Variants in CTNNA3 observed in about 807,000 individuals in gnomAD.
The protein encoded by CTNNA3 is catenin alpha 3.
In CTNNA3, 76 loss-of-function variants were observed where a neutral mutation model predicts 95.7. That is an observed-to-expected ratio of 0.79 (90% CI 0.66 to 0.96). The LOEUF (loss-of-function observed/expected upper bound fraction) is 0.96. Among genes scored for constraint, CTNNA3 ranks in the 40% least tolerant of loss-of-function variants. The pLI is 0.00. For missense variants in CTNNA3, 1,191 were observed against 1,089.8 expected, an observed-to-expected ratio of 1.09 and a Z score of -1.31; for synonymous variants, 431 against 374.4, an observed-to-expected ratio of 1.15 and a Z score of -1.74.
At chr10:66,717,122 C>T (rs1438336820) in intron 9 of CTNNA3, among the ~76,000 whole-genome samples, 1 of 151,864 alleles carries the variant, frequency 6.6e-6, no homozygotes, top group Non-Finnish European at 1.5e-5. Context: ...GCCTGAGTTT[C>T]CAGCCTGCCA....
intron 1 of CTNNA3, among the ~76,000 whole-genome samples, chr10:67,761,653 C>T (rs1170499139): frequency 6.6e-6 from 1 of 152,096 alleles, no homozygotes; most frequent in African/African-American, 2.4e-5. Context: ...CCGAGGCGGG[C>T]AGATCACAAG....
chr10:66,241,633 A>ACCCCCCCCC (rs2090111591), intron 13 of CTNNA3, among the ~76,000 whole-genome samples: 1 of 88,796 alleles, frequency 1.1e-5, no homozygotes, highest in Non-Finnish European at 2.3e-5. Context: ...ACATCCCCCC[A>ACCCCCCCCC]CCCCCAGCCC....
At chr10:66,059,340 C>A (rs912779987) in intron 15 of CTNNA3, among the ~76,000 whole-genome samples, 4 of 152,206 alleles carry the variant, frequency 2.6e-5, no homozygotes, top group East Asian at 3.9e-4. Context: ...AATGAAGGTC[C>A]TTTCCGTTCT....
intron 7 of CTNNA3, among the ~76,000 whole-genome samples, chr10:67,137,527 T>C (rs1222256740): frequency 1.3e-5 from 2 of 152,154 alleles, no homozygotes. Flanking sequence ...TATATGCAAG[T>C]CAGAAAAAGT....
At chr10:67,534,995 G>A (rs915264884) in intron 4 of CTNNA3, among the ~76,000 whole-genome samples, 1 of 152,086 alleles carries the variant, frequency 6.6e-6, no homozygotes, top group African/African-American at 2.4e-5. Context: ...TCAGAACAAA[G>A]GAGAAGAAAA....
intron 7 of CTNNA3, among the ~76,000 whole-genome samples, chr10:66,803,386 C>A (rs951176115): frequency 3.9e-5 from 6 of 151,966 alleles, no homozygotes; most frequent in Admixed American, 1.3e-4. Flanking sequence ...TTCTGAGACT[C>A]TGCAGAGACC....
intron 7 of CTNNA3, among the ~76,000 whole-genome samples, chr10:66,945,578 T>G (rs569003132): frequency 6.6e-6 from 1 of 152,332 alleles, no homozygotes; most frequent in East Asian, 1.9e-4. Context: ...ATTCATGTGT[T>G]CACTGGAGTA....
At chr10:66,363,043 A>G (rs2092687706) in intron 12 of CTNNA3, among the ~76,000 whole-genome samples, 1 of 152,218 alleles carries the variant, frequency 6.6e-6, no homozygotes, top group African/African-American at 2.4e-5. Flanking sequence ...TATAAAATAC[A>G]CGGTTTCTTC....
chr10:66,437,312 C>T (rs1036027825), intron 11 of CTNNA3, among the ~76,000 whole-genome samples: 3 of 152,144 alleles, frequency 2.0e-5, no homozygotes, highest in African/African-American at 7.2e-5. Flanking sequence ...CTCCCTGTTA[C>T]TTTCAGGTAC....
At chr10:66,802,814 A>G (rs1841480924) in intron 7 of CTNNA3, among the ~76,000 whole-genome samples, 1 of 151,942 alleles carries the variant, frequency 6.6e-6, no homozygotes, top group Admixed American at 6.6e-5. Context: ...AAATGTTCCA[A>G]CGATTGATAT....
At chr10:66,264,581 C>T (rs1051325804) in intron 13 of CTNNA3, among the ~76,000 whole-genome samples, 1 of 151,796 alleles carries the variant, frequency 6.6e-6, no homozygotes, top group Non-Finnish European at 1.5e-5. Context: ...TATTTTATAT[C>T]ATTTTTCCTT....
rs564635160 is a variant in CTNNA3, at chr10:66,062,838, C to G, written c.2159+6470G>C. On this transcript the variant is annotated intron_variant, in intron 15 of 17. Transcript: ENST00000433211. The stretch of plus-strand genomic sequence containing the variant: ...AGCTTTTGTAAAACATGAAATGTGT[C>G]TATTTTCAAATGATTTGTCACTCTA... Among the ~76,000 whole-genome samples, 57 of 152,188 alleles carry G rather than the reference C, an allele frequency of 3.7e-4. No individual in the cohort carries two copies. The South Asian group carries it at 0.011, about 30-fold the overall frequency.
chr10:66,341,330 G>C (rs2092450800), intron 12 of CTNNA3, among the ~76,000 whole-genome samples: 1 of 151,842 alleles, frequency 6.6e-6, no homozygotes, highest in Non-Finnish European at 1.5e-5. Context: ...TGTAACTTGA[G>C]ATAATAAAGG....
intron 10 of CTNNA3, among the ~76,000 whole-genome samples, chr10:66,591,404 T>G (rs958225405): frequency 6.6e-6 from 1 of 152,106 alleles, no homozygotes; most frequent in African/African-American, 2.4e-5. Flanking sequence ...CAATTACATA[T>G]CAGAAGGAAA....
chr10:67,700,065 T>A (rs1368071987), upstream of CTNNA3, among the ~76,000 whole-genome samples: 2 of 152,140 alleles, frequency 1.3e-5, no homozygotes, highest in Non-Finnish European at 2.9e-5. Context: ...GCAGCGAGGC[T>A]GGGGGAGGGG....
intron 12 of CTNNA3, among the ~76,000 whole-genome samples, chr10:66,330,798 C>G (rs369263679): frequency 9.9e-5 from 15 of 151,910 alleles, no homozygotes; most frequent in East Asian, 1.9e-4. Context: ...TTGTGGTTTT[C>G]ATTTGCATTT....
intron 5 of CTNNA3, among the ~76,000 whole-genome samples, chr10:67,466,650 C>A (rs954550811): frequency 6.6e-6 from 1 of 152,064 alleles, no homozygotes; most frequent in Non-Finnish European, 1.5e-5. Context: ...AATGAGCTTC[C>A]GGGGAAATGA....
At chr10:67,734,851 G>C (rs2133635267) in intron 1 of CTNNA3, among the ~76,000 whole-genome samples, 1 of 152,074 alleles carries the variant, frequency 6.6e-6, no homozygotes, top group Non-Finnish European at 1.5e-5. Flanking sequence ...TAATCTAAAT[G>C]TCCTATAACA....
chr10:67,470,273 A>T (rs1259927817), intron 5 of CTNNA3, among the ~76,000 whole-genome samples: 1 of 152,208 alleles, frequency 6.6e-6, no homozygotes, highest in African/African-American at 2.4e-5. Flanking sequence ...TGCAAATGAC[A>T]GGATCTCATT....
Sources: gnomAD v4.1 joint callset for allele counts (sites outside exome capture counted in the v4.1 genomes callset) on GRCh38, gnomAD v4.1.1 for gene constraint, MANE v1.5 for transcripts, NCBI Gene and HGNC (gene_info 2026-07-23, HGNC 2026-07-21) for gene names.